Variants in COL9A1 observed in about 807,000 individuals in gnomAD.
COL9A1 encodes the protein collagen alpha-1(IX) chain.
Under a neutral mutation model 142.6 loss-of-function variants are expected in COL9A1, and 104 were observed. The observed-to-expected ratio is 0.73, with a 90% confidence interval of 0.62 to 0.86. The LOEUF (loss-of-function observed/expected upper bound fraction) is 0.86, where lower values mean the gene tolerates loss of function less well. Ranked by LOEUF, COL9A1 falls within the 40% of genes least tolerant of loss-of-function variation. COL9A1 has a pLI of 0.00. For synonymous variants in COL9A1, 466 were observed against 396.0 expected, an observed-to-expected ratio of 1.18 and a Z score of -2.10; for missense variants, 1,210 against 1,176.6, an observed-to-expected ratio of 1.03 and a Z score of -0.42.
At chr6:70,283,931 A>G (rs1773333630) in intron 5 of COL9A1, 111 bp from the exon 6 acceptor site, 1 of 808,644 alleles carries the variant, frequency 1.2e-6, no homozygotes, top group South Asian at 1.5e-5. Context: ...ATCAACTTGA[A>G]CTGGTTGAGC....
intron 28 of COL9A1, among the ~76,000 whole-genome samples, chr6:70,249,084 A>G (rs1770773868): frequency 6.6e-6 from 1 of 151,926 alleles, no homozygotes; most frequent in Non-Finnish European, 1.5e-5. Flanking sequence ...CTTGAACACA[A>G]GATCTGAGTA....
At chr6:70,231,756 G>A (rs1018054475) in intron 36 of COL9A1, among the ~76,000 whole-genome samples, 3 of 150,164 alleles carry the variant, frequency 2.0e-5, no homozygotes, top group Middle Eastern at 3.5e-3. Flanking sequence ...CTGATGCCAC[G>A]TCTTTCTGAA....
In COL9A1 at chr6:70,251,519, C is replaced by T. The variant is rs373757404; in HGVS notation, c.1872+601G>A. ...CTACGATTGCGCCACTGCACCCCAACCTGGGTGATTGAGAGACACCATATC... is the reference window on the plus strand; with the variant it reads ...CTACGATTGCGCCACTGCACCCCAATCTGGGTGATTGAGAGACACCATATC... On this transcript the variant is annotated intron_variant, in intron 28 of 37. Transcript: ENST00000357250. Among the ~76,000 whole-genome samples the T allele has an allele frequency of 3.0e-4, 45 of 152,310 alleles. No homozygotes were observed. The East Asian group carries it at 4.2e-3, about 14-fold the overall frequency.
chr6:70,262,327 G>A (rs575720946), intron 19 of COL9A1, among the ~76,000 whole-genome samples: 10 of 152,180 alleles, frequency 6.6e-5, no homozygotes, highest in South Asian at 2.1e-4. Context: ...CATGTGGCTT[G>A]AAAGCAGAGA....
chr6:70,218,125 A>G (rs985773367), intron 37 of COL9A1, among the ~76,000 whole-genome samples: 4 of 152,238 alleles, frequency 2.6e-5, no homozygotes, highest in Non-Finnish European at 1.5e-5. Flanking sequence ...CCTGGGCGAT[A>G]GAACAAGACT....
At chr6:70,281,932 C>T (rs1406755023) in intron 7 of COL9A1, among the ~76,000 whole-genome samples, 4 of 152,036 alleles carry the variant, frequency 2.6e-5, no homozygotes, top group African/African-American at 9.7e-5. Flanking sequence ...GGAGGCGGGG[C>T]GTACACTTGA....
intron 20 of COL9A1, among the ~76,000 whole-genome samples, chr6:70,259,314 A>G (rs1283952733): frequency 6.6e-6 from 1 of 152,184 alleles, no homozygotes; most frequent in East Asian, 1.9e-4. Flanking sequence ...ACTGACACCA[A>G]TTAACCATAG....
At position 70,292,976 on chromosome 6, in the gene COL9A1, C is replaced by T. The variant is rs76007667; in HGVS notation, c.696+1191G>A. ...CGGCAGTTACAAATTGCTTCCCGTC[C>T]ATCACAGAATATAGAAATTTCACAC... is the stretch of plus-strand genomic sequence containing the variant. On this transcript the variant is annotated intron_variant, in intron 5 of 37. Coordinates refer to ENST00000357250, the MANE Select transcript of COL9A1 (RefSeq NM_001851.6). 9.2e-3 allele frequency among the ~76,000 whole-genome samples: 1,406 copies of T among 152,322 alleles called. 28 individuals are homozygous for T. The highest frequency in any genetic ancestry group is 0.031 in the African/African-American group (1,303 of 41,580).
chr6:70,256,782 G>T lies in COL9A1; in HGVS notation c.1489C>A (p.Leu497Ile). The change falls in exon 21 of 38, where the codon CTT (leucine) becomes ATT (isoleucine). Residue 497 changes from leucine (L) to isoleucine (I), a missense_variant. Physicochemically the swap from Leu to Ile is conservative, Grantham distance 5. Transcript: ENST00000357250. ...AAATCACTTACAGGTGCACCAGGAA[G>T]ACCCTGAGGCCCAGGTTCACCATCT... ...GLDGEPGPQG[L>I]PGAPGDQGQR... 6.2e-7 allele frequency: 1 copy of T among 1,611,500 alleles called. No individual in the cohort carries two copies. Among genetic ancestry groups the T allele is most frequent in the Non-Finnish European group, 8.5e-7 (1 of 1,179,476 alleles).
At chr6:70,236,650 G>A (rs186502697) in intron 33 of COL9A1, among the ~76,000 whole-genome samples, 5 of 151,898 alleles carry the variant, frequency 3.3e-5, no homozygotes, top group African/African-American at 4.8e-5. Context: ...TTCCAATTTC[G>A]CTTTATGCAA....
intron 28 of COL9A1, among the ~76,000 whole-genome samples, chr6:70,250,191 G>T (rs1220718898): frequency 1.3e-5 from 2 of 152,070 alleles, no homozygotes; most frequent in East Asian, 3.9e-4. Flanking sequence ...AACCCAGGAG[G>T]TGGAGATTGC....
intron 17 of COL9A1, among the ~76,000 whole-genome samples, chr6:70,268,370 A>G (rs1772166515): frequency 6.6e-6 from 1 of 152,096 alleles, no homozygotes; most frequent in Non-Finnish European, 1.5e-5. Flanking sequence ...GCATGCCACC[A>G]TGCCTAGCTA....
chr6:70,261,523 G>A (rs2127582046), intron 19 of COL9A1, among the ~76,000 whole-genome samples: 1 of 152,288 alleles, frequency 6.6e-6, no homozygotes, highest in Non-Finnish European at 1.5e-5. Context: ...ATTGGCTTAA[G>A]ATAAAGGAGC....
intron 1 of COL9A1, 41 bp from the exon 2 acceptor site, chr6:70,302,115 C>A (rs759637117): frequency 7.1e-7 from 1 of 1,401,864 alleles, no homozygotes; most frequent in East Asian, 2.3e-5. Context: ...CAGGAGTCCC[C>A]GCAGATGGAA....
At chr6:70,285,884 T>C (rs1773433209) in intron 5 of COL9A1, among the ~76,000 whole-genome samples, 1 of 152,166 alleles carries the variant, frequency 6.6e-6, no homozygotes, top group Admixed American at 6.5e-5. Flanking sequence ...TTCTTTTCTT[T>C]CTTTCTTTCT....
chr6:70,287,503 G>T (rs192344159), intron 5 of COL9A1, among the ~76,000 whole-genome samples: 1 of 152,052 alleles, frequency 6.6e-6, no homozygotes, highest in African/African-American at 2.4e-5. Context: ...CTATGATGAG[G>T]CATCCTAAGT....
intron 18 of COL9A1, among the ~76,000 whole-genome samples, chr6:70,264,369 T>C (rs1002997431): frequency 4.6e-5 from 7 of 152,042 alleles, no homozygotes; most frequent in Admixed American, 2.0e-4. Context: ...ATCTTGATTT[T>C]TTAAACAAAT....
chr6:70,226,539 G>A (rs1482042787), intron 36 of COL9A1, among the ~76,000 whole-genome samples: 1 of 151,748 alleles, frequency 6.6e-6, no homozygotes, highest in Non-Finnish European at 1.5e-5. Flanking sequence ...AACTAGCAGG[G>A]TACAAAATTA....
At chr6:70,230,826 G>A (rs1003487197) in intron 36 of COL9A1, among the ~76,000 whole-genome samples, 2 of 152,184 alleles carry the variant, frequency 1.3e-5, no homozygotes, top group Non-Finnish European at 2.9e-5. Flanking sequence ...AAGCTCCTCA[G>A]GCAATTCCAG....
Sources: allele counts gnomAD v4.1 joint callset (sites outside exome capture counted in the v4.1 genomes callset), GRCh38; gene constraint gnomAD v4.1.1; transcripts MANE v1.5; gene names NCBI Gene and HGNC (gene_info 2026-07-23, HGNC 2026-07-21).